Variants in COL5A3 observed in about 807,000 individuals in gnomAD.
COL5A3 encodes collagen type V alpha 3 chain, also known as collagen alpha-3(V) chain.
A neutral mutation model predicts 250.0 loss-of-function variants in COL5A3; 172 were observed. The observed-to-expected ratio is 0.69, with a 90% CI of 0.61 to 0.78. The LOEUF is 0.78. Ranked by LOEUF, COL5A3 falls within the 30% of genes least tolerant of loss-of-function variation. COL5A3 has a pLI of 0.00. For missense variants in COL5A3, 2,340 were observed against 2,334.4 expected (o/e 1.00, Z -0.05); for synonymous variants, 937 against 900.4 (o/e 1.04, Z -0.73).
intron 51 of COL5A3, among the ~76,000 whole-genome samples, 179 bp from the exon 52 acceptor site, chr19:9,971,437 G>A (rs1396754302): frequency 6.6e-6 from 1 of 152,200 alleles, no homozygotes; most frequent in African/African-American, 2.4e-5. Context: ...CAGACGCTGA[G>A]CTAAGAATGC....
intron 31 of COL5A3, among the ~76,000 whole-genome samples, chr19:9,984,027 AT>A (rs200106197): frequency 1.9e-3 from 286 of 148,772 alleles, no homozygotes; most frequent in Non-Finnish European, 2.6e-3. Flanking sequence ...CCAAATGTCT[AT>A]TTTTTTTTTC....
intron 4 of COL5A3, 66 bp downstream of exon 4, chr19:10,005,492 C>T: frequency 6.6e-7 from 1 of 1,506,238 alleles, no homozygotes; most frequent in Non-Finnish European, 9.2e-7. Context: ...ATATCCTCTC[C>T]AGATTCAGGC....
intron 5 of COL5A3, 152 bp from the exon 6 acceptor site, chr19:10,003,866 G>T (rs2087399566): frequency 2.5e-6 from 3 of 1,192,570 alleles, no homozygotes; most frequent in Admixed American, 2.1e-5. Flanking sequence ...TGGGGTCAAG[G>T]GTGGCTCAGG....
At chr19:9,996,548 C>A (rs1213587354) in intron 12 of COL5A3, 32 bp from the exon 13 acceptor site, 5 of 1,613,510 alleles carry the variant, frequency 3.1e-6, no homozygotes, top group Middle Eastern at 1.6e-4. Context: ...GGGAAGCCCC[C>A]AGGAGAGGCC....
At chr19:9,970,186 TG>T (rs1247903899) in intron 54 of COL5A3, among the ~76,000 whole-genome samples, 301 of 15,150 alleles carry the variant, frequency 0.02, 4 homozygotes, top group Middle Eastern at 0.038. Flanking sequence ...TGTGGGTGAG[TG>T]GGGTCTGTGG....
chr19:9,976,473 A>T, intron 45 of COL5A3, 85 bp downstream of exon 45: 1 of 1,028,890 alleles, frequency 9.7e-7, no homozygotes, highest in Non-Finnish European at 1.4e-6. Context: ...GTTTGGATTA[A>T]GTCAGTGTGC....
In COL5A3 at chr19:9,967,384, C is replaced by G. The variant is rs370182126; in HGVS notation, c.4421G>C (p.Arg1474Pro). Residue 1474 changes from arginine to proline, a missense_variant, in exon 62 of 67, where the codon CGT (arginine) becomes CCT (proline). Physicochemically the swap from Arg to Pro is moderately radical, Grantham distance 103. Coordinates refer to ENST00000264828, the MANE Select transcript of COL5A3 (RefSeq NM_015719.4). ...TGGGCCTGCAGGTCCAGTGTCTCCACGGGGGCCCATGGACCCCTGTAGGGA... is the reference window on the plus strand; with the variant it reads ...TGGGCCTGCAGGTCCAGTGTCTCCAGGGGGGCCCATGGACCCCTGTAGGGA... Reference protein sequence around the residue: ...SKGSPGSMGPRGDTGPAGPPG... With the variant: ...SKGSPGSMGPPGDTGPAGPPG... The G allele has an allele frequency of 1.6e-5, 23 of 1,479,460 alleles. No individual in the cohort carries two copies. The Admixed American group carries it at 5.8e-4, about 37-fold the overall frequency. The allele number at this position is 1,479,460 out of a possible 1,614,324, so 91.6% of individuals were successfully genotyped here. A position where few individuals can be genotyped will look rare whatever the true frequency, so the allele number is the denominator to read the frequency against.
At chr19:10,004,494 T>C (rs529936156) in intron 4 of COL5A3, among the ~76,000 whole-genome samples, 2 of 152,270 alleles carry the variant, frequency 1.3e-5, no homozygotes, top group African/African-American at 4.8e-5. Flanking sequence ...CCACGCCCAG[T>C]TAATTTTTGA....
At chr19:10,002,780 T>C (rs1050681787) in intron 6 of COL5A3, among the ~76,000 whole-genome samples, 1 of 151,974 alleles carries the variant, frequency 6.6e-6, no homozygotes, top group African/African-American at 2.4e-5. Flanking sequence ...CAAATAGTAA[T>C]TCCACCCATC....
intron 65 of COL5A3, among the ~76,000 whole-genome samples, chr19:9,962,143 G>C (rs949245343): frequency 9.4e-5 from 14 of 149,604 alleles, no homozygotes; most frequent in African/African-American, 3.5e-4. Flanking sequence ...ATCTCGCTCT[G>C]TTGCCCAGGC....
chr19:9,986,576 C>G lies in COL5A3; in HGVS notation c.2221G>C (p.Asp741His). The G allele has an allele frequency of 1.2e-6, 2 of 1,613,922 alleles. No homozygotes were observed. The highest frequency in any genetic ancestry group is 1.7e-6 in the Non-Finnish European group (2 of 1,180,006). The change falls in exon 29 of 67, where the codon GAT (aspartate) becomes CAT (histidine). Residue 741 changes from aspartate (D) to histidine (H), a missense_variant. Asp to His is a moderately conservative substitution (Grantham distance 81). This residue lies in a region of COL5A3 where 1,152 missense variants were observed against 1,146.3 expected (regional missense o/e 1.00). Transcript: ENST00000264828. ...GEDGFPGFKGDVGLKGDQGKP... is the reference protein window; with the variant it reads ...GEDGFPGFKGHVGLKGDQGKP... ...ACCTGATCACCTTTGAGCCCCACAT[C>G]GCCCTTGAAGCCTGGGAAGCCGTCC...
intron 21 of COL5A3, among the ~76,000 whole-genome samples, chr19:9,992,578 A>T (rs2087210103): frequency 6.6e-6 from 1 of 152,054 alleles, no homozygotes; most frequent in Non-Finnish European, 1.5e-5. Flanking sequence ...GGAGTTCGAG[A>T]CCAACCTAAC....
Position 9,960,686 on chromosome 19 carries a change from C to A in COL5A3, c.5056G>T (p.Ala1686Ser), listed in dbSNP as rs779836383. 31 of 1,613,540 alleles carry A rather than the reference C, an allele frequency of 1.9e-5. No homozygotes were observed. The highest frequency in any genetic ancestry group is 2.5e-5 in the Non-Finnish European group (30 of 1,179,972). The change falls in exon 66 of 67, where the codon GCA becomes TCA. Residue 1686 changes from alanine to serine, a missense_variant. Coordinates refer to ENST00000264828, the MANE Select transcript of COL5A3 (RefSeq NM_015719.4). ...GEELSFNQTTAATVSVPQDGC... is the reference protein window; with the variant it reads ...GEELSFNQTTSATVSVPQDGC... The stretch of plus-strand genomic sequence containing the variant: ...TCCTGGGGGACGCTGACAGTGGCTG[C>A]TGTCGTCTGGTTGAAAGACAGCTCC...
Position 9,968,028 on chromosome 19 carries a change from C to T in COL5A3, c.4366G>A (p.Ala1456Thr). 6.3e-7 allele frequency: 1 copy of T among 1,591,964 alleles called. No homozygotes were observed. Among genetic ancestry groups the T allele is most frequent in the Non-Finnish European group, 8.5e-7 (1 of 1,173,902 alleles). The part of the protein sequence containing the change: ...SLGHPGPPGV[A>T]GPLGQKGSKG... The stretch of plus-strand genomic sequence containing the variant: ...CAAAAGATTCCCTGCATACTCACCG[C>T]CACACCTGGGGGCCCAGGGTGGCCC... The change falls in exon 60 of 67, where the codon GCG becomes ACG. Residue 1456 changes from alanine (A) to threonine (T), a missense_variant and splice_region_variant. This residue lies in a region of COL5A3 where 1,179 missense variants were observed against 1,162.6 expected (regional missense o/e 1.01). Transcript: ENST00000264828. This position sits in a 1 kb window ranked among gnomAD's most constrained non-coding sequence, Gnocchi z 4.1.
Position 9,960,793 on chromosome 19 carries a change from G to T in COL5A3, c.4949C>A (p.Ser1650Tyr). 6.2e-7 allele frequency: 1 copy of T among 1,613,962 alleles called. No homozygotes were observed. ...CAGCCAGGCAGCTGCATTCTGGCAG[G>T]AGTAGGTGAAGTTCTGGCGAGCTGT... Reference protein sequence around the residue: ...SATARQNFTYSCQNAAAWLDE... With the variant: ...SATARQNFTYYCQNAAAWLDE... The change falls in exon 66 of 67, where the codon TCC becomes TAC. Residue 1650 changes from serine (S) to tyrosine (Y), a missense_variant. By Grantham distance (144) the Ser-to-Tyr change is moderately radical (BLOSUM62 -2). Coordinates refer to ENST00000264828, the MANE Select transcript of COL5A3 (RefSeq NM_015719.4).
intron 30 of COL5A3, 54 bp downstream of exon 30, chr19:9,986,261 A>G: frequency 8.0e-7 from 1 of 1,246,336 alleles, no homozygotes; most frequent in Non-Finnish European, 1.1e-6. Context: ...GGGCAGAGGG[A>G]AAAGATTGGG....
At position 9,968,277 on chromosome 19, in the gene COL5A3, A is replaced by G; in HGVS notation, c.4314+108T>C. The G allele has an allele frequency of 7.5e-6, 8 of 1,064,736 alleles. No homozygotes were observed. The South Asian group carries it at 9.7e-5, about 13-fold the overall frequency. 66.0% of individuals were successfully genotyped at this position (1,064,736 alleles called of 1,614,324 possible). On this transcript the variant is annotated intron_variant, in intron 59 of 66. Coordinates refer to ENST00000264828, the MANE Select transcript of COL5A3 (RefSeq NM_015719.4). The surrounding 1 kb of genome is among the most constrained non-coding windows in gnomAD (Gnocchi z 4.1). ...AGATACATCCCCCTATTTTCCCCAC[A>G]CACACCCTCATTAATCCAGACCCAC...
intron 65 of COL5A3, 111 bp downstream of exon 65, chr19:9,962,708 T>C (rs550247987): frequency 2.6e-6 from 2 of 766,460 alleles, no homozygotes; most frequent in Non-Finnish European, 2.1e-6. Context: ...CCTAGGAAGG[T>C]AGAGGAAAGC....
chr19:9,981,729 C>G (rs35990947), intron 32 of COL5A3, among the ~76,000 whole-genome samples: 37 of 152,350 alleles, frequency 2.4e-4, no homozygotes, highest in Non-Finnish European at 3.5e-4. Context: ...GTACAAGCTT[C>G]TTGCACACAT....
Sources: gnomAD v4.1 joint callset for allele counts (sites outside exome capture counted in the v4.1 genomes callset) on GRCh38, gnomAD v4.1.1 for gene constraint, gnomAD v4.1.1 regional missense constraint, Gnocchi (gnomAD v3.1) non-coding constraint, MANE v1.5 for transcripts, NCBI Gene and HGNC (gene_info 2026-07-23, HGNC 2026-07-21) for gene names.